RGS5: variants seen among roughly 807,000 people sequenced by gnomAD.
RGS5 encodes regulator of G protein signaling 5, also known as regulator of G-protein signalling 5.
Under a neutral mutation model 18.9 loss-of-function variants are expected in RGS5, and 20 were observed. The ratio of observed to expected loss-of-function variants is 1.06; its 90% confidence interval spans 0.74 to 1.54. RGS5 has a LOEUF of 1.54. Among genes scored for constraint, RGS5 ranks in the 40% most tolerant of loss-of-function variants. The pLI is 0.00. For synonymous variants in RGS5, 57 were observed against 76.2 expected (o/e 0.75, Z 1.31); for missense variants, 201 against 211.8 (o/e 0.95, Z 0.32).
At chr1:163,225,634 A>G (rs61810857) in intron 2 of RGS5, among the ~76,000 whole-genome samples, 16,800 of 152,060 alleles carry the variant, frequency 0.11, 1,227 homozygotes, top group South Asian at 0.19. Flanking sequence ...AGGACTTATT[A>G]TTATGTAACT....
chr1:163,186,414 A>G (rs1659080913), intron 1 of RGS5, among the ~76,000 whole-genome samples: 1 of 151,888 alleles, frequency 6.6e-6, no homozygotes, highest in African/African-American at 2.4e-5. Flanking sequence ...AACTGTGTGA[A>G]AGATGTGCTA....
intron 4 of RGS5, among the ~76,000 whole-genome samples, chr1:163,147,918 CTT>C (rs534448527): frequency 5.1e-5 from 4 of 78,092 alleles, no homozygotes; most frequent in African/African-American, 1.7e-4. Flanking sequence ...TTTTCTTTTT[CTT>C]TTTTTTTTTT....
intron 1 of RGS5, among the ~76,000 whole-genome samples, chr1:163,178,643 A>T (rs1450030133): frequency 2.0e-5 from 3 of 152,184 alleles, no homozygotes; most frequent in Non-Finnish European, 4.4e-5. Context: ...ACTGATAAAT[A>T]ATGATGCATT....
At chr1:163,167,580 AAT>A (rs1322967592) in intron 2 of RGS5, among the ~76,000 whole-genome samples, 28 of 152,152 alleles carry the variant, frequency 1.8e-4, no homozygotes, top group Admixed American at 3.9e-4. Flanking sequence ...TGACAGGAGG[AAT>A]GTGTAGGGAG....
chr1:163,155,994 A>G (rs1657564768), intron 3 of RGS5, among the ~76,000 whole-genome samples: 1 of 152,202 alleles, frequency 6.6e-6, no homozygotes, highest in Non-Finnish European at 1.5e-5. Flanking sequence ...ACCTAAGAAC[A>G]AGATGAAAAC....
chr1:163,308,450 C>A (rs965747140), intron 1 of RGS5: 2 of 152,094 alleles, frequency 1.3e-5, no homozygotes. Flanking sequence ...CTATTATAAT[C>A]ATCTAGAAAA....
chr1:163,172,162 G>C (rs1251490907), intron 1 of RGS5, among the ~76,000 whole-genome samples: 1 of 152,226 alleles, frequency 6.6e-6, no homozygotes, highest in Non-Finnish European at 1.5e-5. Flanking sequence ...CTTCCAGATA[G>C]AGGGATGGAT....
At chr1:163,154,305 C>T (rs777836768) in intron 3 of RGS5, among the ~76,000 whole-genome samples, 8 of 152,006 alleles carry the variant, frequency 5.3e-5, no homozygotes, top group Non-Finnish European at 1.0e-4. Flanking sequence ...TTTCAATTTA[C>T]CTCCTGTATA....
At chr1:163,271,606 A>G (rs1365384710) in intron 2 of RGS5, among the ~76,000 whole-genome samples, 2 of 152,122 alleles carry the variant, frequency 1.3e-5, no homozygotes, top group Non-Finnish European at 2.9e-5. Context: ...ATTGACATCA[A>G]TGTTGTAGCA....
chr1:163,253,442 G>T (rs568217852), intron 2 of RGS5, among the ~76,000 whole-genome samples: 2 of 148,706 alleles, frequency 1.3e-5, no homozygotes, highest in African/African-American at 4.9e-5. Flanking sequence ...CCATGTAGTT[G>T]GGATTACAGG....
At position 163,147,230 on chromosome 1, in the gene RGS5, T is replaced by C. The variant is rs1026484613; in HGVS notation, c.*112A>G. 6.1e-6 allele frequency: 7 copies of C among 1,144,840 alleles called. No individual in the cohort carries two copies. In the African/African-American group the frequency reaches 6.4e-5, roughly 11 times the overall value. 70.9% of individuals were successfully genotyped at this position (1,144,840 alleles called of 1,614,324 possible). ...GCAACATCCCCTGGGATTTTTCCCATGTGGGTATCACTGAGCAAAGCTGCT... is the reference window on the plus strand; with the variant it reads ...GCAACATCCCCTGGGATTTTTCCCACGTGGGTATCACTGAGCAAAGCTGCT... On this transcript the variant is annotated 3_prime_UTR_variant, in exon 5 of 5. Coordinates refer to ENST00000313961, the MANE Select transcript of RGS5 (RefSeq NM_003617.4).
At chr1:163,204,851 GATA>G (rs1659904499), upstream of RGS5, among the ~76,000 whole-genome samples, 1 of 152,122 alleles carries the variant, frequency 6.6e-6, no homozygotes, top group African/African-American at 2.4e-5. Flanking sequence ...GCCTTGAGGA[GATA>G]ATAATATGAA....
chr1:163,214,792 C>T (rs1259282654), intron 1 of RGS5, among the ~76,000 whole-genome samples: 1 of 152,028 alleles, frequency 6.6e-6, no homozygotes, highest in Non-Finnish European at 1.5e-5. Flanking sequence ...AAAGTGTTTG[C>T]TTTAGTGCAA....
intron 2 of RGS5, among the ~76,000 whole-genome samples, chr1:163,253,592 G>C (rs924864313): frequency 6.6e-6 from 1 of 151,230 alleles, no homozygotes; most frequent in Non-Finnish European, 1.5e-5. Context: ...TTACAGGCGT[G>C]AGCCACCGCA....
intron 1 of RGS5, among the ~76,000 whole-genome samples, chr1:163,318,105 G>A (rs551333232): frequency 6.6e-6 from 1 of 152,262 alleles, no homozygotes; most frequent in Non-Finnish European, 1.5e-5. Flanking sequence ...GGATAAGGAA[G>A]AGTCAGCCAA....
intron 2 of RGS5, among the ~76,000 whole-genome samples, chr1:163,230,504 A>G (rs1357979341): frequency 6.6e-6 from 1 of 152,170 alleles, no homozygotes; most frequent in Non-Finnish European, 1.5e-5. Context: ...ACATAGGCTG[A>G]TTTGTTTAAC....
chr1:163,261,478 C>A (rs1477423265), intron 2 of RGS5, among the ~76,000 whole-genome samples: 1 of 152,190 alleles, frequency 6.6e-6, no homozygotes, highest in East Asian at 1.9e-4. Context: ...CCTCAAACCA[C>A]CTTCCTGGGC....
rs559959122 is a variant in RGS5 at position 163,183,145 on chromosome 1, TAA to T, written c.45-14779_45-14778del. 1.8e-3 allele frequency among the ~76,000 whole-genome samples: 279 copies of T among 152,332 alleles called. 1 individual carries two copies. Among genetic ancestry groups the T allele is most frequent in the African/African-American group, 6.1e-3 (252 of 41,578 alleles). ...TCAATATTTATCTTTGCCAGCTTTT[TAA>T]AAGAGTTTGCTGAGGAAAATAACAT... On this transcript the variant is annotated intron_variant, in intron 1 of 4. Transcript: ENST00000313961.
At chr1:163,291,534 A>G (rs1214902481) in intron 2 of RGS5, among the ~76,000 whole-genome samples, 2 of 152,328 alleles carry the variant, frequency 1.3e-5, no homozygotes, top group East Asian at 3.9e-4. Context: ...GTCACAAGAT[A>G]TGCAACTTCC....
Sources: allele counts gnomAD v4.1 joint callset (sites outside exome capture counted in the v4.1 genomes callset), GRCh38; gene constraint gnomAD v4.1.1; transcripts MANE v1.5; gene names NCBI Gene and HGNC (gene_info 2026-07-23, HGNC 2026-07-21).